Variants in TACC2 observed in about 807,000 individuals in gnomAD.
TACC2 encodes transforming acidic coiled-coil containing protein 2.
Under a neutral mutation model 227.3 loss-of-function variants are expected in TACC2, and 137 were observed. That is an observed-to-expected ratio of 0.60 (90% CI 0.52 to 0.69). The LOEUF (loss-of-function observed/expected upper bound fraction) is 0.69, where lower values mean the gene tolerates loss of function less well. Among genes scored for constraint, TACC2 ranks in the 30% least tolerant of loss-of-function variants. The pLI is 0.00. For missense variants in TACC2, 3,470 were observed against 3,694.4 expected (o/e 0.94, Z 1.57); for synonymous variants, 1,523 against 1,487.5 (o/e 1.02, Z -0.55).
chr10:122,189,351 A>C (rs959956922), intron 7 of TACC2, among the ~76,000 whole-genome samples: 1 of 152,172 alleles, frequency 6.6e-6, no homozygotes, highest in African/African-American at 2.4e-5. Flanking sequence ...TCTGTCGCCG[A>C]GGGCTCAGTT....
chr10:122,104,812 T>C (rs1268668142), intron 5 of TACC2, among the ~76,000 whole-genome samples: 1 of 152,240 alleles, frequency 6.6e-6, no homozygotes, highest in Non-Finnish European at 1.5e-5. Flanking sequence ...TAACACTGAC[T>C]TATCCTCTAA....
chr10:122,044,128 G>A (rs12146254), intron 2 of TACC2, among the ~76,000 whole-genome samples: 5,424 of 152,302 alleles, frequency 0.036, 117 homozygotes, highest in Middle Eastern at 0.078. Flanking sequence ...CTCAAACCCA[G>A]CTCTCTCGGG....
rs1285941635 is a variant in TACC2 at position 122,150,386 on chromosome 10, C to T, written c.5834+6680C>T. The stretch of plus-strand genomic sequence containing the variant: ...AGGGCAGTGTGGGGGCCCTTCTTGC[C>T]CTGAATAGGGGCAGCTGAGGCCAGG... On this transcript the variant is annotated intron_variant, in intron 7 of 22. Coordinates refer to ENST00000369005, the MANE Select transcript of TACC2 (RefSeq NM_206862.4). This position sits in a 1 kb window ranked among gnomAD's most constrained non-coding sequence, Gnocchi z 4.0. Among the ~76,000 whole-genome samples, 1 of 152,182 alleles carries T rather than the reference C, an allele frequency of 6.6e-6. No individual in the cohort carries two copies. The highest frequency in any genetic ancestry group is 1.9e-4 in the East Asian group (1 of 5,180).
At chr10:122,216,387 T>TC (rs1004049936) in intron 10 of TACC2, among the ~76,000 whole-genome samples, 13 of 151,732 alleles carry the variant, frequency 8.6e-5, no homozygotes, top group African/African-American at 3.1e-4. Flanking sequence ...CTGATTTTTT[T>TC]TTTTTTTAAA....
chr10:121,993,469 T>C (rs536643204), intron 1 of TACC2, among the ~76,000 whole-genome samples: 1 of 152,336 alleles, frequency 6.6e-6, no homozygotes, highest in East Asian at 1.9e-4. Context: ...GTCCACCCAC[T>C]GTCACTAGTT....
intron 7 of TACC2, among the ~76,000 whole-genome samples, chr10:122,182,569 G>A (rs1208339364): frequency 6.6e-6 from 1 of 152,206 alleles, no homozygotes; most frequent in Non-Finnish European, 1.5e-5. Flanking sequence ...GAATGCAGGG[G>A]CGTGATTGTC....
intron 6 of TACC2, among the ~76,000 whole-genome samples, chr10:122,133,988 G>A (rs1473303887): frequency 6.6e-6 from 1 of 152,144 alleles, no homozygotes; most frequent in African/African-American, 2.4e-5. Context: ...TGGGGTGCAG[G>A]CAGGCGGCCG....
At position 122,163,319 on chromosome 10, in the gene TACC2, T is replaced by C. The variant is rs185108432; in HGVS notation, c.5834+19613T>C. The stretch of plus-strand genomic sequence containing the variant: ...TCCTGGAGGGATGAGCCAACAGGGC[T>C]GAGCCCCCTACTCTCTCGGTGGTCA... On this transcript the variant is annotated intron_variant, in intron 7 of 22. Transcript: ENST00000369005. The C allele has an allele frequency of 5.8e-3, 887 of 152,330 alleles. 3 individuals are homozygous for C. The highest frequency in any genetic ancestry group is 0.017 in the Middle Eastern group (5 of 294). 9.4% of individuals were successfully genotyped at this position (152,330 alleles called of 1,614,324 possible).
rs529749437 is a variant in TACC2 at position 122,020,295 on chromosome 10, G to A, written c.-45-1642G>A. Among the ~76,000 whole-genome samples the A allele has an allele frequency of 3.0e-4, 41 of 137,286 alleles. No homozygotes were observed. The South Asian group carries it at 8.4e-3, about 28-fold the overall frequency. 90.1% of individuals were successfully genotyped at this position (137,286 alleles called of 152,430 possible). Reference sequence around the variant, plus strand: ...ATTTTAAATGCATGCAGATTTTTACGTTCTCTGAGCATGTGATTGTGTGTG... The same window carrying A: ...ATTTTAAATGCATGCAGATTTTTACATTCTCTGAGCATGTGATTGTGTGTG... On this transcript the variant is annotated intron_variant, in intron 1 of 22. Coordinates refer to ENST00000369005, the MANE Select transcript of TACC2 (RefSeq NM_206862.4).
Position 122,082,924 on chromosome 10 carries a change from C to T in TACC2, c.424C>T (p.Pro142Ser), listed in dbSNP as rs1341684181. ...TCAGACTCAGTCTCCCAGGAGGGAA[C>T]CTGCCCCAAATGCCCCAGGAGACAT... is the stretch of plus-strand genomic sequence containing the variant. ...GPQTQSPRRE[P>S]APNAPGDIAA... Residue 142 changes from proline to serine, a missense_variant, in exon 4 of 23, where the codon CCT becomes TCT. Around this residue, in one of 10 missense-constraint regions of TACC2, gnomAD observed 405 missense variants for 389.6 expected, o/e 1.04. Transcript: ENST00000369005. 1 of 1,613,104 alleles carries T rather than the reference C, an allele frequency of 6.2e-7. No homozygotes were observed.
chr10:122,253,562 C>T (rs945151976), intron 22 of TACC2, among the ~76,000 whole-genome samples: 13 of 152,076 alleles, frequency 8.5e-5, no homozygotes, highest in Admixed American at 2.0e-4. Flanking sequence ...CGTAGAACTG[C>T]GTAACCCTCC....
chr10:122,082,484 T>C (rs2079625197), intron 3 of TACC2, among the ~76,000 whole-genome samples, 163 bp from the exon 4 acceptor site: 1 of 149,844 alleles, frequency 6.7e-6, no homozygotes, highest in Non-Finnish European at 1.5e-5. Flanking sequence ...ATGGGAGGGG[T>C]GCAGGGGGCT....
At chr10:122,201,870 A>G (rs1287888066) in intron 8 of TACC2, among the ~76,000 whole-genome samples, 3 of 152,236 alleles carry the variant, frequency 2.0e-5, no homozygotes, top group Admixed American at 2.0e-4. Flanking sequence ...CAGCAAGGTT[A>G]AGGAGCTTTG....
In TACC2 at chr10:122,033,175, T is replaced by C. The variant is rs1258490637; in HGVS notation, c.33+11161T>C. 1.0e-5 allele frequency: 13 copies of C among 1,286,408 alleles called. No homozygotes were observed. The Admixed American group carries it at 1.1e-4, about 11-fold the overall frequency. 79.7% of individuals were successfully genotyped at this position (1,286,408 alleles called of 1,614,324 possible). ...ACAGGTACTGGGGAATGTGCTGTTC[T>C]GCATGGCTTCCCTCTCAGCCCCTTC... On this transcript the variant is annotated intron_variant, in intron 2 of 22. Transcript: ENST00000369005.
At chr10:122,001,536 G>A (rs1479205384) in intron 1 of TACC2, among the ~76,000 whole-genome samples, 2 of 152,128 alleles carry the variant, frequency 1.3e-5, no homozygotes, top group Non-Finnish European at 2.9e-5. Context: ...TGGCAACAAA[G>A]CCACACCATA....
rs1377060915 is a variant in TACC2, at chr10:122,237,988, G to C, written c.8299G>C (p.Glu2767Gln). Residue 2767 changes from glutamate (E) to glutamine (Q), a missense_variant, in exon 18 of 23, where the codon GAA (glutamate) becomes CAA (glutamine). Transcript: ENST00000369005. ...CATAACCAAGGAGAGAGAGGTCTCA[G>C]AATGGAAAGATAAATATGAAGAAAG... ...EIITKEREVS[E>Q]WKDKYEESRR... 6.2e-7 allele frequency: 1 copy of C among 1,614,102 alleles called. No individual in the cohort carries two copies.
chr10:122,219,896 G>A (rs1468807923), intron 11 of TACC2, among the ~76,000 whole-genome samples: 2 of 151,964 alleles, frequency 1.3e-5, no homozygotes, highest in Admixed American at 6.6e-5. Context: ...AAATTAGCTG[G>A]GCATGGTGGT....
Position 122,141,329 on chromosome 10 carries a change from C to T in TACC2, c.5700-2243C>T, listed in dbSNP as rs577696933. Among the ~76,000 whole-genome samples, 18 of 152,152 alleles carry T rather than the reference C, an allele frequency of 1.2e-4. No homozygotes were observed. Among genetic ancestry groups the T allele is most frequent in the East Asian group, 3.9e-4 (2 of 5,172 alleles). On this transcript the variant is annotated intron_variant, in intron 6 of 22. Coordinates refer to ENST00000369005, the MANE Select transcript of TACC2 (RefSeq NM_206862.4). The surrounding 1 kb of genome is among the most constrained non-coding windows in gnomAD (Gnocchi z 4.3). ...CGGCCCCTGGGTATGAGCCAACAGG[C>T]GGTGGAAGGAGGGGGGCGCCTTTCT...
chr10:122,244,757 C>G (rs1343065554), intron 19 of TACC2, among the ~76,000 whole-genome samples: 1 of 152,122 alleles, frequency 6.6e-6, no homozygotes, highest in African/African-American at 2.4e-5. Flanking sequence ...ATTTTGAAGT[C>G]AAACCAGCTC....
Sources: gnomAD v4.1 joint callset for allele counts (sites outside exome capture counted in the v4.1 genomes callset) on GRCh38, gnomAD v4.1.1 for gene constraint, gnomAD v4.1.1 regional missense constraint, Gnocchi (gnomAD v3.1) non-coding constraint, MANE v1.5 for transcripts, NCBI Gene and HGNC (gene_info 2026-07-23, HGNC 2026-07-21) for gene names.